Variants in STX8 observed in about 807,000 individuals in gnomAD.
The protein encoded by STX8 is syntaxin 8.
STX8 carries 23 observed loss-of-function variants against 37.5 expected under a neutral mutation model. The ratio of observed to expected loss-of-function variants is 0.61; its 90% confidence interval spans 0.44 to 0.87. The LOEUF (loss-of-function observed/expected upper bound fraction) is 0.87, where lower values mean the gene tolerates loss of function less well. Ranked by LOEUF, STX8 falls within the 40% of genes least tolerant of loss-of-function variation. The pLI is 0.00. For missense variants in STX8, 313 were observed against 284.7 expected (o/e 1.10, Z -0.71); for synonymous variants, 115 against 99.1 (o/e 1.16, Z -0.95).
chr17:9,474,966 T>C (rs1335902830), intron 6 of STX8, among the ~76,000 whole-genome samples: 1 of 152,044 alleles, frequency 6.6e-6, no homozygotes, highest in Non-Finnish European at 1.5e-5. Flanking sequence ...AGCAAGACTC[T>C]GTAGCAAAAA....
chr17:9,414,120 A>G (rs1384087878), intron 6 of STX8, among the ~76,000 whole-genome samples: 20 of 8,704 alleles, frequency 2.3e-3, no homozygotes, highest in South Asian at 0.014. Flanking sequence ...CCATCCATCC[A>G]TCCATCCAAC....
intron 4 of STX8, among the ~76,000 whole-genome samples, chr17:9,522,526 T>G (rs1283316737): frequency 8.2e-6 from 1 of 121,470 alleles, no homozygotes; most frequent in Non-Finnish European, 1.6e-5. Context: ...TGAAACTCCG[T>G]CTCTACTAAA....
chr17:9,255,584 A>G (rs558116620), intron 7 of STX8, among the ~76,000 whole-genome samples: 21 of 149,566 alleles, frequency 1.4e-4, no homozygotes, highest in African/African-American at 4.4e-4. Flanking sequence ...ATAAATAAAT[A>G]AATGAAAATG....
intron 7 of STX8, among the ~76,000 whole-genome samples, chr17:9,357,682 G>A (rs1910933036): frequency 6.6e-6 from 1 of 151,860 alleles, no homozygotes; most frequent in South Asian, 2.1e-4. Flanking sequence ...ACAACAGAGT[G>A]AGACTCTGTC....
At chr17:9,453,534 C>A (rs1471858546) in intron 6 of STX8, among the ~76,000 whole-genome samples, 1 of 145,768 alleles carries the variant, frequency 6.9e-6, no homozygotes, top group African/African-American at 2.5e-5. Flanking sequence ...ACTCTGTTGC[C>A]CAGGCTGGAG....
intron 4 of STX8, among the ~76,000 whole-genome samples, chr17:9,535,395 C>T (rs977641762): frequency 1.6e-4 from 24 of 148,510 alleles, no homozygotes; most frequent in Admixed American, 3.4e-4. Flanking sequence ...AAATTACAAA[C>T]GCACATACCC....
intron 2 of STX8, among the ~76,000 whole-genome samples, chr17:9,565,298 G>T (rs1907410653): frequency 6.6e-6 from 1 of 152,042 alleles, no homozygotes; most frequent in Non-Finnish European, 1.5e-5. Context: ...AACCAAAACA[G>T]ACATAGACCA....
intron 6 of STX8, among the ~76,000 whole-genome samples, chr17:9,403,921 C>T (rs1049369507): frequency 7.2e-5 from 11 of 152,112 alleles, no homozygotes; most frequent in African/African-American, 2.2e-4. Context: ...GCTGGGATTA[C>T]GGGAGTGAGC....
At chr17:9,331,498 G>A (rs1006267576) in intron 7 of STX8, among the ~76,000 whole-genome samples, 20 of 152,274 alleles carry the variant, frequency 1.3e-4, no homozygotes, top group African/African-American at 4.6e-4. Flanking sequence ...GGTGGGTTGC[G>A]AGGTGGCTGC....
intron 6 of STX8, among the ~76,000 whole-genome samples, chr17:9,418,929 T>C (rs1256365998): frequency 1.5e-5 from 2 of 134,464 alleles, no homozygotes; most frequent in Non-Finnish European, 3.3e-5. Flanking sequence ...TTTCTTTTTT[T>C]TTTTTTTTTA....
At chr17:9,541,213 G>A (rs987892708) in intron 4 of STX8, among the ~76,000 whole-genome samples, 2 of 152,182 alleles carry the variant, frequency 1.3e-5, no homozygotes, top group African/African-American at 4.8e-5. Flanking sequence ...TCCACTGCTA[G>A]AATTAACATG....
intron 7 of STX8, among the ~76,000 whole-genome samples, chr17:9,305,161 C>T (rs759467589): frequency 7.2e-5 from 11 of 151,804 alleles, no homozygotes; most frequent in African/African-American, 1.2e-4. Context: ...GGCGCGGTCT[C>T]GGCTCACTGC....
At chr17:9,535,423 ACTT>A (rs1905992491) in intron 4 of STX8, among the ~76,000 whole-genome samples, 1 of 41,118 alleles carries the variant, frequency 2.4e-5, no homozygotes, top group South Asian at 1.2e-3. Flanking sequence ...CAGCCATCCT[ACTT>A]TTTTTTTTTT....
chr17:9,352,762 C>G (rs1422505752), intron 7 of STX8, among the ~76,000 whole-genome samples: 1 of 152,050 alleles, frequency 6.6e-6, no homozygotes, highest in Non-Finnish European at 1.5e-5. Context: ...TCGGCCTCCC[C>G]CTTACTCCCA....
intron 2 of STX8, among the ~76,000 whole-genome samples, chr17:9,563,902 T>A (rs1261913420): frequency 1.3e-5 from 2 of 152,190 alleles, no homozygotes; most frequent in Non-Finnish European, 2.9e-5. Flanking sequence ...CACGATCAAG[T>A]AGGCTTTATC....
intron 6 of STX8, among the ~76,000 whole-genome samples, chr17:9,483,229 C>A (rs1906421893): frequency 6.6e-6 from 1 of 152,098 alleles, no homozygotes; most frequent in South Asian, 2.1e-4. Flanking sequence ...TGGCTTTATT[C>A]CAGCTTTTAG....
chr17:9,296,641 A>C (rs1414193879), intron 7 of STX8, among the ~76,000 whole-genome samples: 2 of 150,920 alleles, frequency 1.3e-5, no homozygotes, highest in Middle Eastern at 3.4e-3. Flanking sequence ...AAAAAAAAAA[A>C]AAACAAACCA....
chr17:9,418,352 C>A (rs1313933586), intron 6 of STX8, among the ~76,000 whole-genome samples: 2 of 152,082 alleles, frequency 1.3e-5, no homozygotes, highest in Non-Finnish European at 2.9e-5. Context: ...TTCTAATAGG[C>A]AGTGAAAGTC....
intron 2 of STX8, among the ~76,000 whole-genome samples, chr17:9,563,256 C>T (rs192738812): frequency 5.9e-5 from 9 of 152,000 alleles, no homozygotes; most frequent in African/African-American, 1.9e-4. Context: ...GATCTCGGCT[C>T]GCTGTAACCT....
Sources: allele counts gnomAD v4.1 joint callset (sites outside exome capture counted in the v4.1 genomes callset), GRCh38; gene constraint gnomAD v4.1.1; transcripts MANE v1.5; gene names NCBI Gene and HGNC (gene_info 2026-07-23, HGNC 2026-07-21).